The following ANKS3 variants were observed in gnomAD, a reference collection of about 807,000 sequenced individuals.
ANKS3 encodes the protein ankyrin repeat and SAM domain-containing protein 3.
In ANKS3, 62 loss-of-function variants were observed where a neutral mutation model predicts 80.7. The ratio of observed to expected loss-of-function variants is 0.77; its 90% confidence interval spans 0.63 to 0.95. The LOEUF is 0.95. Among genes scored for constraint, ANKS3 ranks in the 40% least tolerant of loss-of-function variants. The pLI is 0.00. For missense variants in ANKS3, 1,150 were observed against 883.6 expected (o/e 1.30, Z -3.82); for synonymous variants, 489 against 355.3 (o/e 1.38, Z -4.23).
chr16:4,704,278 G>A (rs1439623883), intron 8 of ANKS3, among the ~76,000 whole-genome samples: 1 of 152,136 alleles, frequency 6.6e-6, no homozygotes, highest in Non-Finnish European at 1.5e-5. Context: ...ATTACTGGTG[G>A]ACCCCTGGCT....
At position 4,705,216 on chromosome 16, in the gene ANKS3, G is replaced by A. The variant is rs1328502172; in HGVS notation, c.747C>T (p.Cys249=). The A allele has an allele frequency of 1.2e-5, 19 of 1,613,934 alleles. No homozygotes were observed. The highest frequency in any genetic ancestry group is 1.6e-5 in the Non-Finnish European group (19 of 1,180,044). The change falls in exon 8 of 18, where the codon TGC becomes TGT. Residue 249 remains cysteine, a synonymous_variant. Coordinates refer to ENST00000304283, the MANE Select transcript of ANKS3 (RefSeq NM_133450.4). ...YEDLSSSDES[C]PAPQRQRPCR... ...AAGGCCTCTGTCTCTGAGGAGCAGGGCAGGACTCGTCAGAAGAGCTCAGAT... is the reference window on the plus strand; with the variant it reads ...AAGGCCTCTGTCTCTGAGGAGCAGGACAGGACTCGTCAGAAGAGCTCAGAT...
In ANKS3 at chr16:4,734,141, C is replaced by A. The variant is rs2081825544; in HGVS notation, c.-274G>T. The A allele has an allele frequency of 1.7e-6, 1 of 584,358 alleles. No individual in the cohort carries two copies. The highest frequency in any genetic ancestry group is 2.2e-6 in the Non-Finnish European group (1 of 463,360). 36.2% of individuals were successfully genotyped at this position (584,358 alleles called of 1,614,324 possible). On this transcript the variant is annotated 5_prime_UTR_variant, in exon 1 of 18. Coordinates refer to ENST00000304283, the MANE Select transcript of ANKS3 (RefSeq NM_133450.4). ...GTGCCGGCAAGTGCTGGGGCCGGGCCGCCGCGGAACCCACCTGTGCTGGGC... is the reference window on the plus strand; with the variant it reads ...GTGCCGGCAAGTGCTGGGGCCGGGCAGCCGCGGAACCCACCTGTGCTGGGC...
intron 7 of ANKS3, among the ~76,000 whole-genome samples, chr16:4,706,629 C>CA (rs1258441464): frequency 6.6e-6 from 1 of 152,164 alleles, no homozygotes; most frequent in African/African-American, 2.4e-5. Flanking sequence ...GAGCTCAAAC[C>CA]AGAGCTTTTA....
chr16:4,706,421 G>C (rs1312572451), intron 7 of ANKS3, among the ~76,000 whole-genome samples: 5 of 151,976 alleles, frequency 3.3e-5, no homozygotes, highest in Admixed American at 3.3e-4. Context: ...ATTTTTAGTA[G>C]AGACGGGGTT....
intron 8 of ANKS3, among the ~76,000 whole-genome samples, chr16:4,703,662 C>T (rs1308147483): frequency 2.0e-5 from 3 of 152,164 alleles, no homozygotes; most frequent in East Asian, 3.8e-4. Context: ...CCACCTGCCT[C>T]GGCCTCCCAA....
chr16:4,706,836 T>C (rs927803431), intron 7 of ANKS3, among the ~76,000 whole-genome samples: 2 of 152,146 alleles, frequency 1.3e-5, no homozygotes, highest in African/African-American at 4.8e-5. Context: ...ACAATCCCAA[T>C]GCCAGGGAAG....
intron 6 of ANKS3, among the ~76,000 whole-genome samples, chr16:4,722,099 C>G (rs1170195470): frequency 3.3e-5 from 5 of 151,310 alleles, no homozygotes; most frequent in African/African-American, 1.2e-4. Flanking sequence ...GGGTGGGGGA[C>G]AGGCCTGCGG....
rs776445393 is a variant in ANKS3, at chr16:4,697,412, G to T, written c.1815C>A (p.Ser605=). ...CCTGCAGGGACGCTTGCCAGCCCTT[G>T]GAGTCTGTGGTGCAGGTGCAGGGAC... ...TLGLAVPPAD[S]KGWQASLQAM... The change falls in exon 16 of 18, where the codon TCC becomes TCA. Residue 605 remains serine, a synonymous_variant. Coordinates refer to ENST00000304283, the MANE Select transcript of ANKS3 (RefSeq NM_133450.4). 1 of 1,604,204 alleles carries T rather than the reference G, an allele frequency of 6.2e-7. No individual in the cohort carries two copies. The highest frequency in any genetic ancestry group is 1.3e-5 in the African/African-American group (1 of 74,796).
chr16:4,703,679 G>A (rs1408881027), intron 8 of ANKS3, among the ~76,000 whole-genome samples: 2 of 152,186 alleles, frequency 1.3e-5, no homozygotes, highest in Non-Finnish European at 2.9e-5. Flanking sequence ...CCAAAGTGCT[G>A]GGATTACAGG....
At chr16:4,731,112 T>G (rs538484915) in intron 2 of ANKS3, among the ~76,000 whole-genome samples, 2 of 152,296 alleles carry the variant, frequency 1.3e-5, no homozygotes, top group South Asian at 4.1e-4. Context: ...GCCTACAGTA[T>G]AATTTCACTT....
chr16:4,702,200 C>G lies in ANKS3; in HGVS notation c.911G>C (p.Gly304Ala), dbSNP rs757755400. ...PRGYVTFNSS[G>A]ENPLEEEGLC... ...GCCCTCTTCTTCCAGGGGGTTCTCGCCACTGCTGTTGAAGGTGACATAGCC... is the reference window on the plus strand; with the variant it reads ...GCCCTCTTCTTCCAGGGGGTTCTCGGCACTGCTGTTGAAGGTGACATAGCC... The change falls in exon 9 of 18, where the codon GGC becomes GCC. Residue 304 changes from glycine to alanine, a missense_variant. By Grantham distance (60) the Gly-to-Ala change is moderately conservative. Transcript: ENST00000304283. The G allele has an allele frequency of 6.3e-6, 10 of 1,591,694 alleles. No homozygotes were observed. The Admixed American group carries it at 8.8e-5, about 14-fold the overall frequency.
chr16:4,711,067 G>T (rs1039723551), intron 7 of ANKS3, among the ~76,000 whole-genome samples: 1 of 150,448 alleles, frequency 6.6e-6, no homozygotes, highest in Admixed American at 6.6e-5. Context: ...GAGATTACAG[G>T]CATGAGCCAC....
chr16:4,702,072 C>A, intron 9 of ANKS3, 30 bp downstream of exon 9: 5 of 1,548,708 alleles, frequency 3.2e-6, no homozygotes, highest in Non-Finnish European at 4.3e-6. Context: ...CTGCCTGAGC[C>A]ACGGGCCGGA....
At chr16:4,706,526 A>C (rs866836728) in intron 7 of ANKS3, among the ~76,000 whole-genome samples, 2 of 152,200 alleles carry the variant, frequency 1.3e-5, no homozygotes, top group African/African-American at 2.4e-5. Context: ...AGTGAGCCAC[A>C]GCGCCCAGCC....
At chr16:4,700,933 C>G in intron 11 of ANKS3, 37 bp downstream of exon 11, 1 of 1,613,012 alleles carries the variant, frequency 6.2e-7, no homozygotes, top group Non-Finnish European at 8.5e-7. Context: ...AAAGTGCCGT[C>G]TCTGAGTGTA....
chr16:4,697,155 G>C lies in ANKS3; in HGVS notation c.1895-51C>G, dbSNP rs1364492195. 2.5e-6 allele frequency: 4 copies of C among 1,594,758 alleles called. No homozygotes were observed. The Admixed American group carries it at 6.9e-5, about 28-fold the overall frequency. On this transcript the variant is annotated intron_variant, in intron 16 of 17. Coordinates refer to ENST00000304283, the MANE Select transcript of ANKS3 (RefSeq NM_133450.4). Reference sequence around the variant, plus strand: ...TCCCGGCCAGGCTCAGGAGGGCTGGGTGGTGCTGCCCCGGGGTCTCAGCTG... The same window carrying C: ...TCCCGGCCAGGCTCAGGAGGGCTGGCTGGTGCTGCCCCGGGGTCTCAGCTG...
At position 4,697,348 on chromosome 16, in the gene ANKS3, G is replaced by A. The variant is rs939285425; in HGVS notation, c.1879C>T (p.Arg627Cys). The change falls in exon 16 of 18, where the codon CGT becomes TGT. Residue 627 changes from arginine to cysteine, a missense_variant. Transcript: ENST00000304283. ...LPELSGALED[R>C]VREMGQALCL... The stretch of plus-strand genomic sequence containing the variant: ...GGAGACTCACCCATCTCACGGACAC[G>A]GTCCTCCAGGGCTCCCGAGAGCTCG... 17 of 1,607,720 alleles carry A rather than the reference G, an allele frequency of 1.1e-5. No individual in the cohort carries two copies. Among genetic ancestry groups the A allele is most frequent in the Middle Eastern group, 3.3e-4 (2 of 6,054 alleles).
intron 11 of ANKS3, 147 bp downstream of exon 11, chr16:4,700,823 G>C (rs756713329): frequency 4.2e-5 from 45 of 1,067,102 alleles, no homozygotes; most frequent in Middle Eastern, 2.0e-4. Flanking sequence ...CCGGCTGTGA[G>C]CCTGTGGAGC....
At position 4,730,127 on chromosome 16, in the gene ANKS3, G is replaced by T. The variant is rs754196245; in HGVS notation, c.23C>A (p.Ala8Asp). The T allele has an allele frequency of 1.9e-6, 3 of 1,579,728 alleles. No individual in the cohort carries two copies. The South Asian group carries it at 3.4e-5, about 18-fold the overall frequency. Reference sequence around the variant, plus strand: ...GCGGTTCAGGAGTTCCGGCTCGCTGGCTTCATCGCTGAGCTCGGACATCAC... The same window carrying T: ...GCGGTTCAGGAGTTCCGGCTCGCTGTCTTCATCGCTGAGCTCGGACATCAC... MSELSDEASEPELLNRSL... is the reference protein window; with the variant it reads MSELSDEDSEPELLNRSL... The change falls in exon 3 of 18, where the codon GCC (alanine) becomes GAC (aspartate). Residue 8 changes from alanine (A) to aspartate (D), a missense_variant. By Grantham distance (126) the Ala-to-Asp change is moderately radical (BLOSUM62 -2). Coordinates refer to ENST00000304283, the MANE Select transcript of ANKS3 (RefSeq NM_133450.4).
Sources: gnomAD v4.1 joint callset for allele counts (sites outside exome capture counted in the v4.1 genomes callset) on GRCh38, gnomAD v4.1.1 for gene constraint, MANE v1.5 for transcripts, NCBI Gene and HGNC (gene_info 2026-07-23, HGNC 2026-07-21) for gene names.